Variants in SDK1 observed in about 807,000 individuals in gnomAD.
SDK1 encodes the protein sidekick cell adhesion molecule 1.
A neutral mutation model predicts 245.5 loss-of-function variants in SDK1; 157 were observed. The ratio of observed to expected loss-of-function variants is 0.64; its 90% confidence interval spans 0.56 to 0.73. SDK1 has a LOEUF of 0.73. Ranked by LOEUF, SDK1 falls within the 30% of genes least tolerant of loss-of-function variation. SDK1 has a pLI of 0.00. For synonymous variants in SDK1, 1,647 were observed against 1,278.5 expected (o/e 1.29, Z -6.15); for missense variants, 3,583 against 3,002.3 (o/e 1.19, Z -4.52).
At chr7:4,034,408 T>A (rs1466834939) in intron 17 of SDK1, among the ~76,000 whole-genome samples, 2 of 152,234 alleles carry the variant, frequency 1.3e-5, no homozygotes, top group African/African-American at 4.8e-5. Context: ...CTGGTGAGTG[T>A]TCTTGGAAGT....
At position 3,982,568 on chromosome 7, in the gene SDK1, C is replaced by T. The variant is rs967293705; in HGVS notation, c.1995-4618C>T. ...ATTAAGAATGTTTGTGGGCTGGGCG[C>T]GGTGGCTCACGCCTGTAATCCCAAC... On this transcript the variant is annotated intron_variant, in intron 13 of 44. Transcript: ENST00000404826. Among the ~76,000 whole-genome samples, 18 of 152,068 alleles carry T rather than the reference C, an allele frequency of 1.2e-4. No homozygotes were observed. The South Asian group carries it at 2.1e-3, about 18-fold the overall frequency.
At position 3,477,134 on chromosome 7, in the gene SDK1, T is replaced by A. The variant is rs80096302; in HGVS notation, c.299-141946T>A. 2.3e-3 allele frequency among the ~76,000 whole-genome samples: 355 copies of A among 152,122 alleles called. 13 individuals are homozygous for A. In the East Asian group the frequency reaches 0.058, roughly 25 times the overall value. On this transcript the variant is annotated intron_variant, in intron 1 of 44. Coordinates refer to ENST00000404826, the MANE Select transcript of SDK1 (RefSeq NM_152744.4). ...TTCCTTGTTTAAGCTAGTTGAGATT[T>A]CCTATTTGTAGCTTGAAATATCCTA...
chr7:4,083,777 T>TACTTCCTC (rs1781250194), intron 22 of SDK1, among the ~76,000 whole-genome samples: 1 of 4,334 alleles, frequency 2.3e-4, no homozygotes, highest in Non-Finnish European at 4.3e-4. Context: ...CTCCCTTCTT[T>TACTTCCTC]CCTCCCTCCT....
At chr7:3,812,093 A>G (rs554221761) in intron 4 of SDK1, among the ~76,000 whole-genome samples, 48 of 152,342 alleles carry the variant, frequency 3.2e-4, no homozygotes, top group African/African-American at 1.1e-3. Context: ...TTCAACAACC[A>G]TATTTTCCAG....
rs139790095 is a variant in SDK1, at chr7:4,070,855, G to A, written c.3010+2919G>A. Among the ~76,000 whole-genome samples the A allele has an allele frequency of 3.2e-3, 490 of 152,006 alleles. 8 individuals are homozygous for A. The East Asian group carries it at 0.033, about 10-fold the overall frequency. On this transcript the variant is annotated intron_variant, in intron 20 of 44. Coordinates refer to ENST00000404826, the MANE Select transcript of SDK1 (RefSeq NM_152744.4). ...CTCCCGAGTAGTTGGAACTACAGGC[G>A]TGAGCCACCACGCCTGGCTAATTGT... is the stretch of plus-strand genomic sequence containing the variant.
intron 5 of SDK1, among the ~76,000 whole-genome samples, chr7:3,892,109 TAAC>T (rs1781474610): frequency 6.6e-6 from 1 of 152,188 alleles, no homozygotes; most frequent in African/African-American, 2.4e-5. Flanking sequence ...CAACTTCCTT[TAAC>T]AACTTTCCAG....
intron 1 of SDK1, among the ~76,000 whole-genome samples, chr7:3,425,797 T>G (rs1779659911): frequency 6.6e-6 from 1 of 152,184 alleles, no homozygotes; most frequent in Non-Finnish European, 1.5e-5. Flanking sequence ...AAAGTATGTG[T>G]AAAAAGCCAG....
At chr7:3,842,563 C>G (rs1392732647) in intron 5 of SDK1, among the ~76,000 whole-genome samples, 3 of 152,132 alleles carry the variant, frequency 2.0e-5, no homozygotes, top group African/African-American at 4.8e-5. Context: ...CAGAAGAAAT[C>G]TGTCTGGAAC....
At chr7:3,491,587 A>G (rs1481302011) in intron 1 of SDK1, among the ~76,000 whole-genome samples, 1 of 152,226 alleles carries the variant, frequency 6.6e-6, no homozygotes, top group Admixed American at 6.5e-5. Flanking sequence ...ATTTTGCCTG[A>G]TGAGATTTAC....
Position 4,139,659 on chromosome 7 carries a change from G to GTATA in SDK1, c.4229-6061_4229-6058dup, listed in dbSNP as rs1235605611. On this transcript the variant is annotated intron_variant, in intron 28 of 44. Coordinates refer to ENST00000404826, the MANE Select transcript of SDK1 (RefSeq NM_152744.4). ...TATATGTGTGTGTATATGTGTGTGT[G>GTATA]TATATGTGTGTGTGTATATGTGTGT... Among the ~76,000 whole-genome samples, 17 of 93,276 alleles carry GTATA rather than the reference G, an allele frequency of 1.8e-4. 3 individuals carry two copies. Among genetic ancestry groups the GTATA allele is most frequent in the East Asian group, 9.3e-4 (3 of 3,222 alleles). The allele number at this position is 93,276 out of a possible 152,430, so 61.2% of individuals were successfully genotyped here.
intron 4 of SDK1, among the ~76,000 whole-genome samples, chr7:3,680,387 G>A (rs557324921): frequency 3.5e-4 from 54 of 152,306 alleles, no homozygotes; most frequent in African/African-American, 1.2e-3. Flanking sequence ...GACAGTCTGT[G>A]TGTTGATTGT....
intron 1 of SDK1, among the ~76,000 whole-genome samples, chr7:3,509,564 C>A (rs902444004): frequency 6.6e-6 from 1 of 152,134 alleles, no homozygotes; most frequent in South Asian, 2.1e-4. Flanking sequence ...TTTACAGTTC[C>A]CAAAGTGAGA....
At position 3,430,289 on chromosome 7, in the gene SDK1, T is replaced by G. The variant is rs139896152; in HGVS notation, c.298+128405T>G. ...TGACCATATCAATGTTCTTAATTTT[T>G]TTTTGAGGGGAGGGGACTGTGTCCT... is the stretch of plus-strand genomic sequence containing the variant. On this transcript the variant is annotated intron_variant, in intron 1 of 44. Transcript: ENST00000404826. Among the ~76,000 whole-genome samples, 1,379 of 152,244 alleles carry G rather than the reference T, an allele frequency of 9.1e-3. 19 individuals carry two copies. Among genetic ancestry groups the G allele is most frequent in the African/African-American group, 0.018 (755 of 41,564 alleles).
At chr7:4,172,129 AG>A (rs1251284341) in intron 32 of SDK1, among the ~76,000 whole-genome samples, 2 of 152,104 alleles carry the variant, frequency 1.3e-5, no homozygotes, top group African/African-American at 2.4e-5. Flanking sequence ...TCCGCGTCTG[AG>A]GGGGGATTAT....
chr7:4,062,979 A>G (rs569236484), intron 19 of SDK1, among the ~76,000 whole-genome samples: 2 of 152,342 alleles, frequency 1.3e-5, no homozygotes, highest in East Asian at 3.9e-4. Context: ...TCTGTATATG[A>G]AAAACCCACA....
At chr7:4,135,485 C>T (rs536888684) in intron 28 of SDK1, among the ~76,000 whole-genome samples, 2 of 152,356 alleles carry the variant, frequency 1.3e-5, no homozygotes, top group Middle Eastern at 3.4e-3. Context: ...AGAAAGAAAG[C>T]AGCTGTCGTC....
At chr7:3,535,312 G>A (rs1465782632) in intron 1 of SDK1, among the ~76,000 whole-genome samples, 1 of 152,026 alleles carries the variant, frequency 6.6e-6, no homozygotes, top group East Asian at 1.9e-4. Flanking sequence ...GCTATAAAGA[G>A]TCCCTTTGTT....
At chr7:3,466,836 C>G (rs1397387784) in intron 1 of SDK1, among the ~76,000 whole-genome samples, 1 of 151,650 alleles carries the variant, frequency 6.6e-6, no homozygotes, top group African/African-American at 2.4e-5. Flanking sequence ...AGGATTTTTA[C>G]CAATTATTTA....
chr7:3,383,712 C>T (rs1781544831), intron 1 of SDK1, among the ~76,000 whole-genome samples: 1 of 152,174 alleles, frequency 6.6e-6, no homozygotes, highest in South Asian at 2.1e-4. Context: ...GTTAATTGCA[C>T]AAATTACTGT....
Sources: gnomAD v4.1 joint callset for allele counts (sites outside exome capture counted in the v4.1 genomes callset) on GRCh38, gnomAD v4.1.1 for gene constraint, MANE v1.5 for transcripts, NCBI Gene and HGNC (gene_info 2026-07-23, HGNC 2026-07-21) for gene names.